GBE1: variants seen among roughly 807,000 people sequenced by gnomAD.
GBE1 encodes 1,4-alpha-glucan branching enzyme 1, also known as 1,4-alpha-glucan-branching enzyme.
Under a neutral mutation model 88.8 loss-of-function variants are expected in GBE1, and 70 were observed. That is an observed-to-expected ratio of 0.79 (90% CI 0.65 to 0.96). The LOEUF (loss-of-function observed/expected upper bound fraction) is 0.96. GBE1 is among the 40% of genes least tolerant of loss of function. GBE1 has a pLI of 0.00. For missense variants in GBE1, 872 were observed against 871.0 expected (o/e 1.00, Z -0.01); for synonymous variants, 284 against 300.1 (o/e 0.95, Z 0.56).
chr3:81,700,626 C>T (rs1049163049), intron 2 of GBE1, among the ~76,000 whole-genome samples: 2 of 151,990 alleles, frequency 1.3e-5, no homozygotes, highest in African/African-American at 4.8e-5. Flanking sequence ...TTGAGTAGCA[C>T]GGTTTCAGAG....
chr3:81,520,863 T>C (rs998952574), intron 14 of GBE1, among the ~76,000 whole-genome samples: 1 of 151,598 alleles, frequency 6.6e-6, no homozygotes, highest in Admixed American at 6.6e-5. Context: ...TTCTTGATTT[T>C]TTTCCTAGAA....
At chr3:81,691,660 T>C (rs1705523381) in intron 2 of GBE1, among the ~76,000 whole-genome samples, 2 of 152,080 alleles carry the variant, frequency 1.3e-5, no homozygotes, top group South Asian at 2.1e-4. Flanking sequence ...ACGCCTGTAG[T>C]CTCAGCTACT....
chr3:81,595,067 G>A (rs1490906118), intron 7 of GBE1, among the ~76,000 whole-genome samples: 1 of 151,184 alleles, frequency 6.6e-6, no homozygotes, highest in African/African-American at 2.4e-5. Flanking sequence ...GGAAAGATGA[G>A]TGTTGTTAGT....
chr3:81,599,317 C>T lies in GBE1; in HGVS notation c.993-5294G>A, dbSNP rs374862047. 4.6e-5 allele frequency among the ~76,000 whole-genome samples: 7 copies of T among 151,704 alleles called. No individual in the cohort carries two copies. In the East Asian group the frequency reaches 1.4e-3, roughly 29 times the overall value. ...TATGTACATAAAGTGTGTGTGTGTGCTTGTGTGCGTGTGTGTGTGTGTAGG... is the reference window on the plus strand; with the variant it reads ...TATGTACATAAAGTGTGTGTGTGTGTTTGTGTGCGTGTGTGTGTGTGTAGG... On this transcript the variant is annotated intron_variant, in intron 7 of 15. Transcript: ENST00000429644.
chr3:81,643,072 C>A, intron 6 of GBE1, 82 bp from the exon 7 acceptor site: 1 of 892,614 alleles, frequency 1.1e-6, no homozygotes, highest in East Asian at 2.6e-5. Flanking sequence ...GTTTCACCAT[C>A]GCAGTACTAG....
chr3:81,631,745 CAA>C (rs201104083), intron 7 of GBE1, among the ~76,000 whole-genome samples: 3 of 120,034 alleles, frequency 2.5e-5, no homozygotes. Context: ...GACTCTGTCT[CAA>C]AAAAAAAAAA....
intron 14 of GBE1, among the ~76,000 whole-genome samples, chr3:81,521,344 T>C (rs1702872102): frequency 1.3e-5 from 2 of 151,624 alleles, no homozygotes; most frequent in African/African-American, 2.4e-5. Flanking sequence ...GATTAACACA[T>C]GCAATCTTGC....
At chr3:81,659,710 A>G (rs1404943054) in intron 3 of GBE1, among the ~76,000 whole-genome samples, 1 of 152,110 alleles carries the variant, frequency 6.6e-6, no homozygotes, top group East Asian at 1.9e-4. Flanking sequence ...AGGGAAAAAA[A>G]AGAAATAACT....
intron 15 of GBE1, 99 bp from the exon 16 acceptor site, chr3:81,490,562 TAA>T (rs1245815209): frequency 1.1e-6 from 1 of 947,120 alleles, no homozygotes; most frequent in African/African-American, 1.7e-5. Context: ...CACATCTGCC[TAA>T]AGTTACAGTT....
intron 7 of GBE1, 52 bp downstream of exon 7, chr3:81,642,729 A>G (rs1704703074): frequency 3.5e-6 from 4 of 1,152,880 alleles, no homozygotes; most frequent in Non-Finnish European, 5.2e-6. Context: ...ATTCTTAAAA[A>G]TTAATGTTAA....
At chr3:81,746,632 G>A (rs1235965369) in intron 1 of GBE1, among the ~76,000 whole-genome samples, 1 of 151,936 alleles carries the variant, frequency 6.6e-6, no homozygotes, top group Non-Finnish European at 1.5e-5. Context: ...AACCACTACA[G>A]TTATGCAGTA....
At chr3:81,680,510 A>G (rs986872199) in intron 2 of GBE1, among the ~76,000 whole-genome samples, 13 of 152,128 alleles carry the variant, frequency 8.5e-5, no homozygotes, top group Admixed American at 2.0e-4. Flanking sequence ...AAAAAAAAAA[A>G]AAAGAAAATT....
intron 14 of GBE1, among the ~76,000 whole-genome samples, chr3:81,525,947 G>C (rs147083739): frequency 1.3e-5 from 2 of 151,798 alleles, no homozygotes; most frequent in Admixed American, 6.6e-5. Context: ...TCTTCCTAGC[G>C]GTCTATCAAT....
intron 1 of GBE1, among the ~76,000 whole-genome samples, chr3:81,758,166 T>C (rs911981050): frequency 4.6e-5 from 7 of 152,234 alleles, no homozygotes; most frequent in African/African-American, 1.4e-4. Context: ...GCCCATCACT[T>C]AGTTTCTTCA....
chr3:81,561,204 T>G (rs1056890760), intron 12 of GBE1, among the ~76,000 whole-genome samples: 1 of 152,062 alleles, frequency 6.6e-6, no homozygotes, highest in Non-Finnish European at 1.5e-5. Context: ...TTAAATTGCT[T>G]AAATCAAGTA....
intron 7 of GBE1, among the ~76,000 whole-genome samples, chr3:81,597,992 T>C (rs1703982577): frequency 1.3e-5 from 2 of 151,926 alleles, no homozygotes; most frequent in Admixed American, 1.3e-4. Flanking sequence ...GCCAATAATC[T>C]TTATAATGAA....
chr3:81,499,066 G>T (rs760578073), intron 15 of GBE1, 44 bp downstream of exon 15: 2 of 979,066 alleles, frequency 2.0e-6, no homozygotes, highest in South Asian at 1.5e-5. Context: ...TATAATAAAA[G>T]AGTAAATTAA....
intron 14 of GBE1, among the ~76,000 whole-genome samples, chr3:81,523,669 T>G (rs771327215): frequency 1.1e-4 from 16 of 151,726 alleles, no homozygotes; most frequent in Non-Finnish European, 2.4e-4. Flanking sequence ...CAGCCTCTGG[T>G]AACCATCCTT....
intron 1 of GBE1, among the ~76,000 whole-genome samples, chr3:81,738,489 T>G (rs1181101795): frequency 6.6e-6 from 1 of 152,116 alleles, no homozygotes; most frequent in Non-Finnish European, 1.5e-5. Context: ...TGATTTGCAT[T>G]TCTCTGATGG....
Sources: allele counts gnomAD v4.1 joint callset (sites outside exome capture counted in the v4.1 genomes callset), GRCh38; gene constraint gnomAD v4.1.1; transcripts MANE v1.5; gene names NCBI Gene and HGNC (gene_info 2026-07-23, HGNC 2026-07-21).